TRIM2: variants seen among roughly 807,000 people sequenced by gnomAD.
The protein encoded by TRIM2 is tripartite motif-containing protein 2.
In TRIM2, 20 loss-of-function variants were observed where a neutral mutation model predicts 75.2. The observed-to-expected ratio is 0.27, with a 90% CI of 0.19 to 0.39. The LOEUF is 0.39. TRIM2 is among the 10% of genes least tolerant of loss of function. The pLI, the probability that TRIM2 is intolerant of heterozygous loss-of-function variation, is 1.00. For missense variants in TRIM2, 660 were observed against 990.8 expected, an observed-to-expected ratio of 0.67 and a Z score of 4.48; for synonymous variants, 373 against 388.3, an observed-to-expected ratio of 0.96 and a Z score of 0.46.
chr4:153,241,187 G>A (rs1746475623), intron 1 of TRIM2, among the ~76,000 whole-genome samples: 1 of 152,178 alleles, frequency 6.6e-6, no homozygotes, highest in African/African-American at 2.4e-5. Context: ...GAGCTCAAAG[G>A]GATCTTTAGC....
intron 1 of TRIM2, among the ~76,000 whole-genome samples, chr4:153,215,721 C>T (rs1738300105): frequency 6.6e-6 from 1 of 151,880 alleles, no homozygotes; most frequent in South Asian, 2.1e-4. Flanking sequence ...AAATAAAACC[C>T]CTCCATATGG....
intron 1 of TRIM2, among the ~76,000 whole-genome samples, chr4:153,162,766 AC>A (rs1729867272): frequency 6.6e-6 from 1 of 152,150 alleles, no homozygotes; most frequent in Non-Finnish European, 1.5e-5. Context: ...GTTATACCAC[AC>A]CTCAGTAATA....
chr4:153,285,095 T>C (rs1760297196), intron 3 of TRIM2, among the ~76,000 whole-genome samples: 1 of 152,212 alleles, frequency 6.6e-6, no homozygotes. Flanking sequence ...CTTTTATGTA[T>C]CTTGAGTTAA....
At chr4:153,324,546 C>G (rs552664626) in intron 10 of TRIM2, 1 of 211,738 alleles carries the variant, frequency 4.7e-6, no homozygotes, top group African/African-American at 2.4e-5. Flanking sequence ...GTTACAACAA[C>G]AGACAGCATG....
intron 3 of TRIM2, among the ~76,000 whole-genome samples, chr4:153,281,592 A>G (rs1036338011): frequency 6.6e-6 from 1 of 152,176 alleles, no homozygotes; most frequent in Non-Finnish European, 1.5e-5. Context: ...AAACAATCCA[A>G]GCATCTGAAG....
chr4:153,219,209 T>G (rs1275517342), intron 1 of TRIM2, among the ~76,000 whole-genome samples: 4 of 152,182 alleles, frequency 2.6e-5, no homozygotes, highest in African/African-American at 9.7e-5. Flanking sequence ...GCATTTCAGT[T>G]AGTCTGGAAT....
At chr4:153,296,652 A>G (rs1451650823) in intron 6 of TRIM2, among the ~76,000 whole-genome samples, 1 of 152,228 alleles carries the variant, frequency 6.6e-6, no homozygotes, top group Non-Finnish European at 1.5e-5. Flanking sequence ...GGGTGGAAGC[A>G]AGAAGGTACC....
intron 1 of TRIM2, among the ~76,000 whole-genome samples, chr4:153,252,438 A>G (rs985861835): frequency 2.3e-4 from 35 of 152,074 alleles, no homozygotes; most frequent in African/African-American, 8.0e-4. Flanking sequence ...CTAAATCTCA[A>G]TTTCCACTAA....
At chr4:153,297,709 A>G (rs1358283832) in intron 6 of TRIM2, among the ~76,000 whole-genome samples, 1 of 152,072 alleles carries the variant, frequency 6.6e-6, no homozygotes, top group Admixed American at 6.5e-5. Context: ...GCAGTGAAAG[A>G]CTCAGAACTG....
intron 1 of TRIM2, among the ~76,000 whole-genome samples, chr4:153,244,349 T>TTCC (rs1560874161): frequency 3.0e-4 from 9 of 30,472 alleles, no homozygotes; most frequent in South Asian, 1.5e-3. Flanking sequence ...CTTCTTCTTC[T>TTCC]TCTTCCTCTT....
At chr4:153,232,605 G>T (rs1433733402) in intron 1 of TRIM2, among the ~76,000 whole-genome samples, 1 of 152,174 alleles carries the variant, frequency 6.6e-6, no homozygotes, top group Admixed American at 6.5e-5. Context: ...ACCCCAGCAT[G>T]CAGAATATGC....
upstream of TRIM2, among the ~76,000 whole-genome samples, chr4:153,202,655 C>T (rs1193761294): frequency 4.7e-5 from 7 of 148,644 alleles, no homozygotes; most frequent in East Asian, 2.0e-4. Context: ...GCCGAGATCA[C>T]GCCACTGCAC....
chr4:153,227,059 C>T (rs916375893), intron 1 of TRIM2, among the ~76,000 whole-genome samples: 2 of 152,214 alleles, frequency 1.3e-5, no homozygotes, highest in African/African-American at 4.8e-5. Context: ...CTCCTGTTCT[C>T]TGAGCTCCTC....
intron 3 of TRIM2, among the ~76,000 whole-genome samples, chr4:153,290,751 C>G (rs1265351059): frequency 6.6e-6 from 1 of 152,182 alleles, no homozygotes; most frequent in East Asian, 1.9e-4. Flanking sequence ...CTCAGCCTCC[C>G]AAGTAGCTGG....
At chr4:153,238,265 G>T (rs114084125) in intron 1 of TRIM2, among the ~76,000 whole-genome samples, 4,166 of 152,254 alleles carry the variant, frequency 0.027, 110 homozygotes, top group South Asian at 0.053. Context: ...GGGCAGATTT[G>T]CAAGTTCTCA....
rs113590542 is a variant in TRIM2 at position 153,173,332 on chromosome 4, C to T, written c.-49+20062C>T. On this transcript the variant is annotated intron_variant, in intron 1 of 11. Coordinates refer to the TRIM2 transcript ENST00000437508. ...GCCAAGAGTTTGAGACCAGCCTGGC[C>T]AACATGGTGAGCCCCTACCTCTATT... Among the ~76,000 whole-genome samples, 1,095 of 151,602 alleles carry T rather than the reference C, an allele frequency of 7.2e-3. 17 individuals carry two copies. The highest frequency in any genetic ancestry group is 0.025 in the African/African-American group (1,029 of 41,286).
Position 153,251,507 on chromosome 4 carries a change from T to G in TRIM2, c.31-18828T>G, listed in dbSNP as rs556900155. ...CTTTTCATAAAGTTTTTATGTTTGT[T>G]TTTCTTTATATCTTTAAAATTTTTT... On this transcript the variant is annotated intron_variant, in intron 1 of 11. Transcript: ENST00000338700. 2.0e-5 allele frequency among the ~76,000 whole-genome samples: 3 copies of G among 152,350 alleles called. No individual in the cohort carries two copies. In the East Asian group the frequency reaches 5.8e-4, roughly 29 times the overall value.
At position 153,295,704 on chromosome 4, in the gene TRIM2, C is replaced by T. The variant is rs757609046; in HGVS notation, c.1178C>T (p.Thr393Ile). Residue 393 changes from threonine to isoleucine, a missense_variant, in exon 6 of 12, where the codon ACC (threonine) becomes ATC (isoleucine). Thr to Ile is a moderately conservative substitution (Grantham distance 89). Transcript: ENST00000338700. The surrounding 1 kb of genome is among the most constrained non-coding windows in gnomAD (Gnocchi z 7.2). ...ELCKTGNAYL[T>I]AELSTPDGSV... ...TGCAAAACCGGCAACGCCTACCTCA[C>T]CGCCGAACTGAGCACCCCCGACGGG... 1 of 1,613,930 alleles carries T rather than the reference C, an allele frequency of 6.2e-7. No individual in the cohort carries two copies. Among genetic ancestry groups the T allele is most frequent in the South Asian group, 1.1e-5 (1 of 91,040 alleles).
chr4:153,254,409 T>C (rs1038547880), intron 1 of TRIM2, among the ~76,000 whole-genome samples: 2 of 152,224 alleles, frequency 1.3e-5, no homozygotes, highest in Non-Finnish European at 2.9e-5. Flanking sequence ...TTCAGCTGGA[T>C]GGAAACAGTG....
Sources: allele counts gnomAD v4.1 joint callset (sites outside exome capture counted in the v4.1 genomes callset), GRCh38; gene constraint gnomAD v4.1.1; non-coding constraint Gnocchi (gnomAD v3.1); transcripts MANE v1.5; gene names NCBI Gene and HGNC (gene_info 2026-07-23, HGNC 2026-07-21).